OXR1: variants seen among roughly 807,000 people sequenced by gnomAD.
OXR1 encodes oxidation resistance protein 1.
A neutral mutation model predicts 104.6 loss-of-function variants in OXR1; 41 were observed. The ratio of observed to expected loss-of-function variants is 0.39; its 90% CI spans 0.31 to 0.51. The LOEUF is 0.51. OXR1 is among the 20% of genes least tolerant of loss of function. The pLI is 0.77. For synonymous variants in OXR1, 348 were observed against 348.4 expected (o/e 1.00, Z 0.01); for missense variants, 955 against 1,031.9 (o/e 0.93, Z 1.02).
At chr8:106,351,693 T>G (rs1815732112) in intron 1 of OXR1, among the ~76,000 whole-genome samples, 1 of 152,176 alleles carries the variant, frequency 6.6e-6, no homozygotes, top group Non-Finnish European at 1.5e-5. Context: ...GAACTGATAC[T>G]TTACTGCGAG....
At chr8:106,290,693 A>G (rs1418598019) in intron 1 of OXR1, among the ~76,000 whole-genome samples, 1 of 152,202 alleles carries the variant, frequency 6.6e-6, no homozygotes, top group Non-Finnish European at 1.5e-5. Flanking sequence ...ATATGAAAAA[A>G]TACTCATCAT....
chr8:106,573,585 A>G (rs949708598), intron 3 of OXR1, among the ~76,000 whole-genome samples: 4 of 152,230 alleles, frequency 2.6e-5, no homozygotes, highest in Admixed American at 1.3e-4. Flanking sequence ...CTAGATTGCT[A>G]ATATATCCAT....
chr8:106,322,625 T>C (rs1814274405), intron 1 of OXR1, among the ~76,000 whole-genome samples: 2 of 152,144 alleles, frequency 1.3e-5, no homozygotes, highest in African/African-American at 4.8e-5. Flanking sequence ...TGATTCTATA[T>C]CTAGAAAACC....
At chr8:106,372,522 G>T (rs1586577787) in intron 2 of OXR1, among the ~76,000 whole-genome samples, 1 of 151,910 alleles carries the variant, frequency 6.6e-6, no homozygotes, top group African/African-American at 2.4e-5. Flanking sequence ...CATTTGAAAT[G>T]CTCCAAAATC....
intron 1 of OXR1, among the ~76,000 whole-genome samples, chr8:106,277,154 CA>C (rs1314134099): frequency 6.6e-6 from 1 of 152,028 alleles, no homozygotes; most frequent in African/African-American, 2.4e-5. Context: ...GACTGATATG[CA>C]TATGATCAAT....
At chr8:106,623,265 C>A (rs1167593271) in intron 3 of OXR1, among the ~76,000 whole-genome samples, 1 of 151,820 alleles carries the variant, frequency 6.6e-6, no homozygotes, top group Non-Finnish European at 1.5e-5. Context: ...TCTTTAATTT[C>A]TTTTTGTAAA....
At chr8:106,408,446 CTT>C (rs1228350662) in intron 2 of OXR1, among the ~76,000 whole-genome samples, 1 of 152,084 alleles carries the variant, frequency 6.6e-6, no homozygotes, top group Non-Finnish European at 1.5e-5. Context: ...AGTTCACTTA[CTT>C]TGTAAGGATT....
At chr8:106,370,496 T>C (rs74708418) in intron 2 of OXR1, among the ~76,000 whole-genome samples, 181 of 152,256 alleles carry the variant, frequency 1.2e-3, no homozygotes, top group African/African-American at 4.4e-3. Flanking sequence ...AGGGAATGAG[T>C]CTAGCTTTTG....
At chr8:106,425,083 GTTTTTT>G (rs748444311) in intron 2 of OXR1, among the ~76,000 whole-genome samples, 4 of 83,660 alleles carry the variant, frequency 4.8e-5, no homozygotes, top group Admixed American at 1.4e-4. Context: ...GTTTGGTTTG[GTTTTTT>G]TTTTTTTTTT....
rs534512949 is a variant in OXR1 at position 106,547,034 on chromosome 8, G to C, written c.220+27895G>C. Among the ~76,000 whole-genome samples, 9 of 152,254 alleles carry C rather than the reference G, an allele frequency of 5.9e-5. No individual in the cohort carries two copies. The South Asian group carries it at 6.2e-4, about 11-fold the overall frequency. On this transcript the variant is annotated intron_variant, in intron 3 of 16. Coordinates refer to ENST00000517566, the MANE Select transcript of OXR1 (RefSeq NM_001198533.2). ...GCCTACCAAGTAGCTGGGATTACAAGTGTGCACCACCACGCCTAGCTAATT... is the reference window on the plus strand; with the variant it reads ...GCCTACCAAGTAGCTGGGATTACAACTGTGCACCACCACGCCTAGCTAATT...
At chr8:106,570,876 A>G (rs1275237268) in intron 3 of OXR1, among the ~76,000 whole-genome samples, 1 of 152,154 alleles carries the variant, frequency 6.6e-6, no homozygotes, top group East Asian at 1.9e-4. Context: ...TCACTCTCAA[A>G]CAAAATTACT....
intron 1 of OXR1, 62 bp from the exon 2 acceptor site, chr8:106,359,414 A>T (rs1586563873): frequency 1.9e-6 from 1 of 530,666 alleles, no homozygotes; most frequent in Non-Finnish European, 3.4e-6. Context: ...GGATGAAATA[A>T]ATCTGTGACA....
At chr8:106,511,903 C>G (rs566493562) in intron 2 of OXR1, among the ~76,000 whole-genome samples, 3 of 152,260 alleles carry the variant, frequency 2.0e-5, no homozygotes, top group African/African-American at 7.2e-5. Context: ...TCAGTTGATA[C>G]CTCTACCAAT....
chr8:106,704,469 C>T (rs1279935876), intron 8 of OXR1, among the ~76,000 whole-genome samples: 4 of 128,142 alleles, frequency 3.1e-5, no homozygotes, highest in African/African-American at 6.1e-5. Flanking sequence ...TGCAATAGCA[C>T]GATCTGCAAC....
chr8:106,576,466 C>CAAAAA (rs55917847), intron 3 of OXR1, among the ~76,000 whole-genome samples: 8 of 112,448 alleles, frequency 7.1e-5, no homozygotes, highest in Admixed American at 9.3e-5. Context: ...CACAGTTATT[C>CAAAAA]AAAAAAAAAA....
intron 3 of OXR1, among the ~76,000 whole-genome samples, chr8:106,660,222 A>G (rs1825621393): frequency 6.6e-6 from 1 of 152,110 alleles, no homozygotes; most frequent in African/African-American, 2.4e-5. Flanking sequence ...TGAAAAATAA[A>G]TGATTCTTCA....
chr8:106,748,625 A>G (rs1383783658), intron 16 of OXR1, among the ~76,000 whole-genome samples: 4 of 121,136 alleles, frequency 3.3e-5, no homozygotes, highest in Non-Finnish European at 4.7e-5. Context: ...CTGGAGTGCA[A>G]TGGCACAATC....
At chr8:106,739,651 T>A in intron 13 of OXR1, 68 bp downstream of exon 13, 3 of 1,478,786 alleles carry the variant, frequency 2.0e-6, no homozygotes, top group Non-Finnish European at 2.8e-6. Flanking sequence ...AACAGCCTCT[T>A]TTTAGTTGTT....
At chr8:106,738,822 C>G (rs1386090629) in intron 12 of OXR1, among the ~76,000 whole-genome samples, 2 of 150,864 alleles carry the variant, frequency 1.3e-5, no homozygotes, top group Admixed American at 1.3e-4. Flanking sequence ...AATTTATGAA[C>G]AAATTAACAG....
Sources: gnomAD v4.1 joint callset for allele counts (sites outside exome capture counted in the v4.1 genomes callset) on GRCh38, gnomAD v4.1.1 for gene constraint, MANE v1.5 for transcripts, NCBI Gene and HGNC (gene_info 2026-07-23, HGNC 2026-07-21) for gene names.